Variants in AGBL4 observed in about 807,000 individuals in gnomAD.
AGBL4 encodes AGBL carboxypeptidase 4.
In AGBL4, 58 loss-of-function variants were observed where a neutral mutation model predicts 66.4. The observed-to-expected ratio is 0.87, with a 90% CI of 0.71 to 1.09. The LOEUF (loss-of-function observed/expected upper bound fraction) is 1.09, where lower values mean the gene tolerates loss of function less well. AGBL4 is among the 50% of genes least tolerant of loss of function. AGBL4 has a pLI of 0.00. For missense variants in AGBL4, 579 were observed against 631.0 expected (o/e 0.92, Z 0.88); for synonymous variants, 234 against 222.9 (o/e 1.05, Z -0.44).
chr1:49,507,365 C>G (rs372041237), intron 3 of AGBL4, among the ~76,000 whole-genome samples: 1 of 152,170 alleles, frequency 6.6e-6, no homozygotes, highest in East Asian at 1.9e-4. Flanking sequence ...CCAGCTGAAC[C>G]TAGTCAATCT....
intron 1 of AGBL4, among the ~76,000 whole-genome samples, chr1:49,877,048 G>C (rs1647032625): frequency 6.6e-6 from 1 of 151,698 alleles, no homozygotes. Flanking sequence ...TCAGCTTAAG[G>C]AGATTTTGGG....
chr1:49,603,910 T>C (rs922745259), intron 3 of AGBL4, among the ~76,000 whole-genome samples: 3 of 148,658 alleles, frequency 2.0e-5, no homozygotes, highest in Admixed American at 6.9e-5. Context: ...TTTCTACAGG[T>C]GATTAGTATT....
chr1:49,181,787 C>T (rs187280869), intron 4 of AGBL4, among the ~76,000 whole-genome samples: 4 of 152,330 alleles, frequency 2.6e-5, no homozygotes, highest in Admixed American at 2.6e-4. Context: ...GTGAGAAGCT[C>T]CAAACCAATG....
At chr1:48,943,218 T>G (rs551036697) in intron 5 of AGBL4, among the ~76,000 whole-genome samples, 1 of 152,202 alleles carries the variant, frequency 6.6e-6, no homozygotes, top group Non-Finnish European at 1.5e-5. Flanking sequence ...CCTGCCCCCA[T>G]AGCGCCTAAA....
intron 3 of AGBL4, among the ~76,000 whole-genome samples, chr1:49,627,767 T>G (rs1173075279): frequency 1.3e-5 from 2 of 152,182 alleles, no homozygotes; most frequent in Admixed American, 1.3e-4. Flanking sequence ...CCTGGTCATA[T>G]AGGATAAGAT....
At chr1:49,262,848 A>G (rs1457869246) in intron 3 of AGBL4, among the ~76,000 whole-genome samples, 2 of 152,212 alleles carry the variant, frequency 1.3e-5, no homozygotes, top group Non-Finnish European at 2.9e-5. Flanking sequence ...ATAAAGACAC[A>G]TGTACACGTA....
At chr1:49,694,596 T>A (rs1646949345) in intron 3 of AGBL4, among the ~76,000 whole-genome samples, 1 of 152,130 alleles carries the variant, frequency 6.6e-6, no homozygotes, top group African/African-American at 2.4e-5. Context: ...TAAATATGCA[T>A]CCACAAAACA....
chr1:49,385,513 T>G (rs1018707890), intron 3 of AGBL4, among the ~76,000 whole-genome samples: 1 of 152,166 alleles, frequency 6.6e-6, no homozygotes, highest in East Asian at 1.9e-4. Flanking sequence ...TTCCATTTAA[T>G]GAGAATTTTC....
chr1:49,481,556 T>C (rs1213716658), intron 3 of AGBL4, among the ~76,000 whole-genome samples: 1 of 151,766 alleles, frequency 6.6e-6, no homozygotes, highest in Non-Finnish European at 1.5e-5. Context: ...AGATATAGGA[T>C]CATGTCATCT....
At chr1:49,435,150 T>G (rs558057165) in intron 3 of AGBL4, among the ~76,000 whole-genome samples, 1 of 152,326 alleles carries the variant, frequency 6.6e-6, no homozygotes, top group Admixed American at 6.5e-5. Context: ...TGTTACATAT[T>G]TATTTGAGCA....
At position 49,578,887 on chromosome 1, in the gene AGBL4, T is replaced by C. The variant is rs551200635; in HGVS notation, c.282+118426A>G. Among the ~76,000 whole-genome samples, 20 of 152,318 alleles carry C rather than the reference T, an allele frequency of 1.3e-4. No individual in the cohort carries two copies. The South Asian group carries it at 4.1e-3, about 32-fold the overall frequency. ...TGAATTGAAGGATACAGAGTATTGATACTGGGTATATCTGTGAAGGTGTTG... is the reference window on the plus strand; with the variant it reads ...TGAATTGAAGGATACAGAGTATTGACACTGGGTATATCTGTGAAGGTGTTG... On this transcript the variant is annotated intron_variant, in intron 3 of 13. Transcript: ENST00000371839.
In AGBL4 at chr1:49,227,918, T is replaced by C. The variant is rs1295337972; in HGVS notation, c.377+17852A>G. 5.3e-5 allele frequency among the ~76,000 whole-genome samples: 8 copies of C among 152,086 alleles called. No individual in the cohort carries two copies. In the East Asian group the frequency reaches 1.5e-3, roughly 29 times the overall value. On this transcript the variant is annotated intron_variant, in intron 4 of 13. Coordinates refer to ENST00000371839, the MANE Select transcript of AGBL4 (RefSeq NM_032785.4). ...GTCTCCTGTCTTCTGCAGTCTATGT[T>C]GTTGTAGATTACTCCCTGTCCCTTC...
At chr1:48,834,367 G>A (rs939893731) in intron 6 of AGBL4, among the ~76,000 whole-genome samples, 4 of 152,098 alleles carry the variant, frequency 2.6e-5, no homozygotes, top group Admixed American at 6.6e-5. Context: ...ATGAGAGAAC[G>A]ATGTGAATAT....
intron 3 of AGBL4, among the ~76,000 whole-genome samples, chr1:49,388,813 C>T (rs1054997724): frequency 2.0e-4 from 30 of 152,220 alleles, no homozygotes; most frequent in African/African-American, 7.2e-4. Flanking sequence ...CAGATGCATT[C>T]GCACAGAAGT....
At chr1:49,784,072 A>G (rs1571558588) in intron 2 of AGBL4, among the ~76,000 whole-genome samples, 2 of 152,252 alleles carry the variant, frequency 1.3e-5, no homozygotes, top group East Asian at 3.9e-4. Context: ...TACTCCTGAG[A>G]TTGATCAATC....
At chr1:49,040,882 A>G (rs1643923310) in intron 5 of AGBL4, among the ~76,000 whole-genome samples, 1 of 152,092 alleles carries the variant, frequency 6.6e-6, no homozygotes, top group Admixed American at 6.6e-5. Context: ...GGTACTAAAA[A>G]TCATAAAATT....
chr1:49,140,729 T>C (rs763866295), intron 4 of AGBL4, among the ~76,000 whole-genome samples: 23 of 152,352 alleles, frequency 1.5e-4, no homozygotes, highest in Admixed American at 4.6e-4. Context: ...TGCAGTATAA[T>C]TGAAATAGAA....
chr1:48,792,760 G>C (rs1465258829), intron 6 of AGBL4, among the ~76,000 whole-genome samples: 3 of 152,186 alleles, frequency 2.0e-5, no homozygotes, highest in African/African-American at 7.2e-5. Context: ...AAGCAGAAAA[G>C]TGTGAACTAG....
At chr1:49,322,005 A>C (rs1442099641) in intron 3 of AGBL4, among the ~76,000 whole-genome samples, 1 of 152,202 alleles carries the variant, frequency 6.6e-6, no homozygotes, top group African/African-American at 2.4e-5. Context: ...CTGGGCCCTG[A>C]GTAAATTTTT....
Sources: gnomAD v4.1 joint callset for allele counts (sites outside exome capture counted in the v4.1 genomes callset) on GRCh38, gnomAD v4.1.1 for gene constraint, MANE v1.5 for transcripts, NCBI Gene and HGNC (gene_info 2026-07-23, HGNC 2026-07-21) for gene names.